HS6ST3: variants seen among roughly 807,000 people sequenced by gnomAD.
HS6ST3 encodes heparan sulfate 6-O-sulfotransferase 3, also known as heparan-sulfate 6-O-sulfotransferase 3.
HS6ST3 carries 12 observed loss-of-function variants against 36.7 expected under a neutral mutation model. The ratio of observed to expected loss-of-function variants is 0.33; its 90% CI spans 0.21 to 0.53. HS6ST3 has a LOEUF of 0.53. Ranked by LOEUF, HS6ST3 falls within the 20% of genes least tolerant of loss-of-function variation. The probability of loss-of-function intolerance (pLI) is 0.95; values close to 1 mark genes in which losing one functional copy is unlikely to be tolerated. For synonymous variants in HS6ST3, 240 were observed against 257.5 expected (o/e 0.93, Z 0.65); for missense variants, 584 against 640.9 (o/e 0.91, Z 0.96).
At chr13:96,405,556 C>G (rs1238586264) in intron 1 of HS6ST3, among the ~76,000 whole-genome samples, 2 of 152,170 alleles carry the variant, frequency 1.3e-5, no homozygotes, top group Non-Finnish European at 2.9e-5. Flanking sequence ...AGCTTTCTAT[C>G]TGACATGAGT....
chr13:96,799,950 ATATATATATATATGTG>A (rs1878007443), intron 1 of HS6ST3, among the ~76,000 whole-genome samples: 2 of 85,676 alleles, frequency 2.3e-5, no homozygotes, highest in African/African-American at 1.4e-4. Context: ...GTGTGTATAT[ATATATATATATATGTG>A]TATATATATA....
chr13:96,701,477 A>AT (rs1042917351), intron 1 of HS6ST3, among the ~76,000 whole-genome samples: 5 of 151,964 alleles, frequency 3.3e-5, no homozygotes, highest in East Asian at 1.9e-4. Context: ...ACTTGCCTTC[A>AT]TTTTTTTTCT....
chr13:96,338,439 C>G (rs2055112943), intron 1 of HS6ST3, among the ~76,000 whole-genome samples: 1 of 152,166 alleles, frequency 6.6e-6, no homozygotes, highest in Non-Finnish European at 1.5e-5. Context: ...AGCTCAGAAT[C>G]CTTCTTTCTT....
At chr13:96,485,672 T>TC in intron 1 of HS6ST3, among the ~76,000 whole-genome samples, 1 of 152,114 alleles carries the variant, frequency 6.6e-6, no homozygotes, top group Non-Finnish European at 1.5e-5. Flanking sequence ...TGGGAAAGCT[T>TC]CAAATTTTCA....
At chr13:96,436,390 A>G (rs762863507) in intron 1 of HS6ST3, among the ~76,000 whole-genome samples, 2 of 152,176 alleles carry the variant, frequency 1.3e-5, no homozygotes, top group Non-Finnish European at 2.9e-5. Context: ...AAATATGTCA[A>G]TGGTATCATG....
At chr13:96,590,512 T>C in intron 1 of HS6ST3, among the ~76,000 whole-genome samples, 1 of 152,158 alleles carries the variant, frequency 6.6e-6, no homozygotes, top group East Asian at 1.9e-4. Flanking sequence ...ATTCAGATCT[T>C]TTGCCCATTT....
intron 1 of HS6ST3, among the ~76,000 whole-genome samples, chr13:96,297,019 A>G (rs564857147): frequency 7.9e-5 from 12 of 152,148 alleles, no homozygotes; most frequent in Non-Finnish European, 1.8e-4. Context: ...ATGTTTGATC[A>G]TGTCCCAAAC....
At chr13:96,812,902 T>C (rs541577286) in intron 1 of HS6ST3, among the ~76,000 whole-genome samples, 13 of 152,118 alleles carry the variant, frequency 8.5e-5, no homozygotes, top group Non-Finnish European at 1.5e-4. Flanking sequence ...TGACTCTTGG[T>C]TATTTGAGCC....
intron 1 of HS6ST3, among the ~76,000 whole-genome samples, chr13:96,093,687 T>A (rs2053776195): frequency 6.6e-6 from 1 of 152,080 alleles, no homozygotes; most frequent in Admixed American, 6.5e-5. Flanking sequence ...TTCCTTGCTC[T>A]AGATACTGTA....
Position 96,535,183 on chromosome 13 carries a change from G to T in HS6ST3, c.708-297307G>T, listed in dbSNP as rs138044809. On this transcript the variant is annotated intron_variant, in intron 1 of 1. Transcript: ENST00000376705. Reference sequence around the variant, plus strand: ...GAATCCAGGAATGGGACATGAAGGAGACAGGCCTAACTTTAGTAGAAGAAG... The same window carrying T: ...GAATCCAGGAATGGGACATGAAGGATACAGGCCTAACTTTAGTAGAAGAAG... Among the ~76,000 whole-genome samples, 36 of 152,200 alleles carry T rather than the reference G, an allele frequency of 2.4e-4. 1 individual carries two copies. The East Asian group carries it at 7.0e-3, about 30-fold the overall frequency.
intron 1 of HS6ST3, among the ~76,000 whole-genome samples, chr13:96,519,976 G>T (rs1251829514): frequency 6.6e-6 from 1 of 152,102 alleles, no homozygotes; most frequent in Non-Finnish European, 1.5e-5. Context: ...TAAACTAATG[G>T]TTGTCTTTAT....
chr13:96,661,710 C>T (rs141343256), intron 1 of HS6ST3, among the ~76,000 whole-genome samples: 2,038 of 152,180 alleles, frequency 0.013, 28 homozygotes, highest in Middle Eastern at 0.024. Flanking sequence ...TTTACTTTCA[C>T]GTGTTTTTAT....
At chr13:96,316,267 G>GTA (rs71791738) in intron 1 of HS6ST3, among the ~76,000 whole-genome samples, 2,103 of 51,766 alleles carry the variant, frequency 0.041, 40 homozygotes, top group African/African-American at 0.14. Flanking sequence ...CTGTGTGTGT[G>GTA]TGTGTGTGTG....
rs59107741 is a variant in HS6ST3 at position 96,112,578 on chromosome 13, AATATATATATATATATATATATATAT to A, written c.707+21028_707+21053del. 1.9e-3 allele frequency among the ~76,000 whole-genome samples: 155 copies of A among 81,248 alleles called. 7 individuals are homozygous for A. Among genetic ancestry groups the A allele is most frequent in the Admixed American group, 2.9e-3 (18 of 6,132 alleles). The allele number at this position is 81,248 out of a possible 152,430, so 53.3% of individuals were successfully genotyped here. On this transcript the variant is annotated intron_variant, in intron 1 of 1. Transcript: ENST00000376705. Reference sequence around the variant, plus strand: ...TAAAACCCCATCTCTAAAATAAATAAATATATATATATATATATATATATATATATATATATATATATATGCCCGGC... The same window carrying A: ...TAAAACCCCATCTCTAAAATAAATAAATATATATATATATATATGCCCGGC...
At chr13:96,208,669 A>T (rs10492589) in intron 1 of HS6ST3, among the ~76,000 whole-genome samples, 6,231 of 152,304 alleles carry the variant, frequency 0.041, 205 homozygotes, top group African/African-American at 0.087. Flanking sequence ...CTGTATAAAG[A>T]TAATATGCAA....
intron 1 of HS6ST3, among the ~76,000 whole-genome samples, chr13:96,744,235 T>G (rs1876510656): frequency 6.6e-6 from 1 of 152,048 alleles, no homozygotes; most frequent in Non-Finnish European, 1.5e-5. Flanking sequence ...TCACTGGGCT[T>G]GGAAAATATG....
chr13:96,107,602 A>G (rs1317320217), intron 1 of HS6ST3, among the ~76,000 whole-genome samples: 1 of 152,186 alleles, frequency 6.6e-6, no homozygotes, highest in Non-Finnish European at 1.5e-5. Context: ...CAGACTTCTC[A>G]GCTGTTCAGT....
At chr13:96,624,701 G>A (rs902737572) in intron 1 of HS6ST3, among the ~76,000 whole-genome samples, 2 of 151,912 alleles carry the variant, frequency 1.3e-5, no homozygotes, top group Admixed American at 6.6e-5. Flanking sequence ...TGTGGTATTT[G>A]GTTTTCTGTT....
intron 1 of HS6ST3, among the ~76,000 whole-genome samples, chr13:96,367,053 T>G (rs1181213449): frequency 6.6e-6 from 1 of 152,206 alleles, no homozygotes; most frequent in Non-Finnish European, 1.5e-5. Flanking sequence ...GTTACCCACT[T>G]TTGGTTATGT....
Sources: allele counts gnomAD v4.1 joint callset (sites outside exome capture counted in the v4.1 genomes callset), GRCh38; gene constraint gnomAD v4.1.1; transcripts MANE v1.5; gene names NCBI Gene and HGNC (gene_info 2026-07-23, HGNC 2026-07-21).